The following DENND1A variants were observed in gnomAD, a reference collection of about 807,000 sequenced individuals.
DENND1A encodes DENN domain-containing protein 1A.
Under a neutral mutation model 113.7 loss-of-function variants are expected in DENND1A, and 51 were observed. The observed-to-expected ratio is 0.45, with a 90% confidence interval of 0.36 to 0.57. The LOEUF (loss-of-function observed/expected upper bound fraction) is 0.57. DENND1A is among the 20% of genes least tolerant of loss of function. The probability of loss-of-function intolerance (pLI) is 0.00; values close to 1 mark genes in which losing one functional copy is unlikely to be tolerated. For synonymous variants in DENND1A, 565 were observed against 570.8 expected (o/e 0.99, Z 0.14); for missense variants, 1,258 against 1,395.9 (o/e 0.90, Z 1.57).
At chr9:123,693,833 A>ATTATTATTG (rs1554962973) in intron 5 of DENND1A, among the ~76,000 whole-genome samples, 1 of 147,470 alleles carries the variant, frequency 6.8e-6, no homozygotes, top group Non-Finnish European at 1.5e-5. Context: ...TATTATTATT[A>ATTATTATTG]TTATTATTAT....
chr9:123,775,537 A>G (rs1830341091), intron 3 of DENND1A, among the ~76,000 whole-genome samples: 1 of 152,190 alleles, frequency 6.6e-6, no homozygotes, highest in Admixed American at 6.5e-5. Flanking sequence ...GGGAAAAAAA[A>G]AAGAGCACTG....
chr9:123,740,899 T>TGAGTGA, intron 5 of DENND1A, among the ~76,000 whole-genome samples: 1 of 108,940 alleles, frequency 9.2e-6, no homozygotes, highest in East Asian at 2.7e-4. Flanking sequence ...GAAGGGAAAG[T>TGAGTGA]GAGAGAGAGA....
chr9:123,902,729 A>G (rs1274325437), intron 1 of DENND1A, among the ~76,000 whole-genome samples: 1 of 149,866 alleles, frequency 6.7e-6, no homozygotes, highest in Non-Finnish European at 1.5e-5. Flanking sequence ...AGAACAGAGA[A>G]AAAAAAAACA....
chr9:123,668,568 C>T (rs539893552), intron 7 of DENND1A, among the ~76,000 whole-genome samples: 7 of 152,244 alleles, frequency 4.6e-5, no homozygotes, highest in Non-Finnish European at 8.8e-5. Context: ...ACAGCTAGTA[C>T]GTGGCAGAAT....
chr9:123,436,778 C>T (rs966103770), intron 19 of DENND1A, among the ~76,000 whole-genome samples: 13 of 150,924 alleles, frequency 8.6e-5, no homozygotes, highest in Admixed American at 5.9e-4. Context: ...GACAGGGTCT[C>T]GCTCTGTCAC....
At chr9:123,461,234 T>C (rs2048496979) in intron 13 of DENND1A, among the ~76,000 whole-genome samples, 1 of 152,170 alleles carries the variant, frequency 6.6e-6, no homozygotes, top group Non-Finnish European at 1.5e-5. Context: ...CCCAGTGCCG[T>C]GTGCACTCCT....
At chr9:123,876,963 C>T (rs1422984634) in intron 2 of DENND1A, among the ~76,000 whole-genome samples, 1 of 152,076 alleles carries the variant, frequency 6.6e-6, no homozygotes, top group Non-Finnish European at 1.5e-5. Context: ...TCAAATACAG[C>T]ATGTTCTCAC....
intron 19 of DENND1A, among the ~76,000 whole-genome samples, chr9:123,421,127 C>A (rs546965178): frequency 7.5e-5 from 11 of 147,218 alleles, no homozygotes; most frequent in Admixed American, 4.8e-4. Context: ...GAGGGGGACA[C>A]GAGGTGAGGT....
chr9:123,580,489 G>T (rs1204243745), intron 12 of DENND1A, among the ~76,000 whole-genome samples: 1 of 152,138 alleles, frequency 6.6e-6, no homozygotes, highest in Non-Finnish European at 1.5e-5. Context: ...GCCAGCACAG[G>T]GTCAGAGCAG....
intron 13 of DENND1A, among the ~76,000 whole-genome samples, chr9:123,499,953 G>A (rs2808399): frequency 0.6 from 91,519 of 152,030 alleles, 28,691 homozygotes; most frequent in East Asian, 0.71. Flanking sequence ...CGAATGAATC[G>A]ATGAGCAAGG....
intron 23 of DENND1A, 63 bp downstream of exon 23, chr9:123,383,592 A>T: frequency 1.3e-6 from 2 of 1,561,764 alleles, no homozygotes; most frequent in Non-Finnish European, 1.7e-6. Flanking sequence ...TCACATGGGG[A>T]TCCCACCTCG....
At chr9:123,502,770 G>C (rs545049436) in intron 13 of DENND1A, among the ~76,000 whole-genome samples, 2 of 152,190 alleles carry the variant, frequency 1.3e-5, no homozygotes, top group African/African-American at 4.8e-5. Context: ...AACCAGTGTC[G>C]TGAAGCTTTT....
At chr9:123,536,997 TTATAAGAAA>T (rs2055836395) in intron 13 of DENND1A, among the ~76,000 whole-genome samples, 1 of 152,158 alleles carries the variant, frequency 6.6e-6, no homozygotes, top group Admixed American at 6.5e-5. Flanking sequence ...CATAAGGTTA[TTATAAGAAA>T]AATAAAAAGA....
chr9:123,449,123 A>G lies in DENND1A; in HGVS notation c.1356+1570T>C, dbSNP rs1158040989. ...GGCTCAAGGTGGCCCTGGGCAAATG[A>G]CTTCACCTCTGAACTGTGGTCTGTT... On this transcript the variant is annotated intron_variant, in intron 18 of 23. Transcript: ENST00000394215. Among the ~76,000 whole-genome samples the G allele has an allele frequency of 3.3e-5, 5 of 152,274 alleles. No individual in the cohort carries two copies. The East Asian group carries it at 9.7e-4, about 29-fold the overall frequency.
At chr9:123,442,346 G>C (rs2046990394) in intron 18 of DENND1A, among the ~76,000 whole-genome samples, 1 of 152,178 alleles carries the variant, frequency 6.6e-6, no homozygotes, top group South Asian at 2.1e-4. Flanking sequence ...AGTGATGAAA[G>C]AGGCTGTCGA....
At chr9:123,774,422 T>G (rs1374255371) in intron 3 of DENND1A, among the ~76,000 whole-genome samples, 1 of 152,192 alleles carries the variant, frequency 6.6e-6, no homozygotes, top group East Asian at 1.9e-4. Context: ...CCTGGAAGCT[T>G]AATTAGCACC....
intron 1 of DENND1A, among the ~76,000 whole-genome samples, chr9:123,901,792 C>A (rs534004425): frequency 6.6e-6 from 1 of 152,090 alleles, no homozygotes; most frequent in African/African-American, 2.4e-5. Context: ...ATCACGAGGT[C>A]AGAAGATCGA....
intron 5 of DENND1A, among the ~76,000 whole-genome samples, chr9:123,678,840 G>C (rs1648272384): frequency 6.6e-6 from 1 of 152,190 alleles, no homozygotes; most frequent in Non-Finnish European, 1.5e-5. Flanking sequence ...ACTTTGCACA[G>C]CATTTACTTT....
chr9:123,427,734 T>G (rs1454253119), intron 19 of DENND1A, among the ~76,000 whole-genome samples: 1 of 152,194 alleles, frequency 6.6e-6, no homozygotes, highest in African/African-American at 2.4e-5. Flanking sequence ...AATTTCCCTT[T>G]CAGGAATGAC....
Sources: gnomAD v4.1 joint callset for allele counts (sites outside exome capture counted in the v4.1 genomes callset) on GRCh38, gnomAD v4.1.1 for gene constraint, MANE v1.5 for transcripts, NCBI Gene and HGNC (gene_info 2026-07-23, HGNC 2026-07-21) for gene names.